CTNNA2: variants seen among roughly 807,000 people sequenced by gnomAD.
The protein encoded by CTNNA2 is catenin alpha-2.
CTNNA2 carries 42 observed loss-of-function variants against 101.0 expected under a neutral mutation model. The ratio of observed to expected loss-of-function variants is 0.42; its 90% CI spans 0.32 to 0.54. CTNNA2 has a LOEUF of 0.54. Among genes scored for constraint, CTNNA2 ranks in the 20% least tolerant of loss-of-function variants. The pLI, the probability that CTNNA2 is intolerant of heterozygous loss-of-function variation, is 0.14. For missense variants in CTNNA2, 871 were observed against 1,223.1 expected (o/e 0.71, Z 4.29); for synonymous variants, 450 against 456.4 (o/e 0.99, Z 0.18).
intron 3 of CTNNA2, among the ~76,000 whole-genome samples, chr2:79,315,044 T>G (rs905553878): frequency 6.6e-6 from 1 of 152,196 alleles, no homozygotes; most frequent in Non-Finnish European, 1.5e-5. Flanking sequence ...ATCACTTCCC[T>G]AAGTTACTAT....
chr2:79,416,423 G>T (rs889572981), intron 4 of CTNNA2, among the ~76,000 whole-genome samples: 3 of 151,734 alleles, frequency 2.0e-5, no homozygotes, highest in Non-Finnish European at 2.9e-5. Context: ...TAAGGCTATT[G>T]CTTACAATGA....
chr2:79,221,293 C>A (rs1030921617), intron 2 of CTNNA2, among the ~76,000 whole-genome samples: 2 of 152,140 alleles, frequency 1.3e-5, no homozygotes, highest in African/African-American at 4.8e-5. Flanking sequence ...AACTACAGAC[C>A]TGTACCTCCA....
intron 7 of CTNNA2, chr2:80,305,103 T>G: frequency 1.0e-6 from 1 of 985,244 alleles, no homozygotes; most frequent in Non-Finnish European, 1.2e-6. Flanking sequence ...AAATCAACGT[T>G]TGGACCTTTG....
At chr2:80,179,159 G>A (rs1558878396) in intron 7 of CTNNA2, among the ~76,000 whole-genome samples, 1 of 152,342 alleles carries the variant, frequency 6.6e-6, no homozygotes, top group East Asian at 1.9e-4. Flanking sequence ...TGCCGAATCA[G>A]TGGCTGCATA....
chr2:79,237,806 T>A (rs1324104982), intron 2 of CTNNA2, among the ~76,000 whole-genome samples: 1 of 152,222 alleles, frequency 6.6e-6, no homozygotes, highest in African/African-American at 2.4e-5. Flanking sequence ...CTTTCCTCTC[T>A]CAGCCATTGT....
At chr2:79,777,660 A>G (rs1348800826) in intron 3 of CTNNA2, among the ~76,000 whole-genome samples, 2 of 152,122 alleles carry the variant, frequency 1.3e-5, no homozygotes, top group Admixed American at 1.3e-4. Context: ...ATTAAAACCC[A>G]TCTTACCAAA....
At chr2:80,631,045 T>C (rs1422633574) in intron 18 of CTNNA2, among the ~76,000 whole-genome samples, 1 of 152,228 alleles carries the variant, frequency 6.6e-6, no homozygotes, top group African/African-American at 2.4e-5. Context: ...TGGCATTTTT[T>C]AATGTATCAG....
At chr2:79,233,525 C>T (rs1284811769) in intron 2 of CTNNA2, among the ~76,000 whole-genome samples, 1 of 152,138 alleles carries the variant, frequency 6.6e-6, no homozygotes, top group African/African-American at 2.4e-5. Context: ...AATATATATT[C>T]CATACTTGTT....
chr2:80,219,654 A>G (rs1483926384), intron 7 of CTNNA2, among the ~76,000 whole-genome samples: 2 of 152,154 alleles, frequency 1.3e-5, no homozygotes, highest in African/African-American at 4.8e-5. Flanking sequence ...ACCTTTGCCC[A>G]TTCTATTTCC....
chr2:79,610,154 A>T (rs1678170739), intron 1 of CTNNA2, among the ~76,000 whole-genome samples: 1 of 152,156 alleles, frequency 6.6e-6, no homozygotes, highest in African/African-American at 2.4e-5. Context: ...ATGGCAAATA[A>T]GCACGTGAAA....
chr2:80,379,323 G>T (rs1676285809), intron 7 of CTNNA2, among the ~76,000 whole-genome samples: 1 of 152,162 alleles, frequency 6.6e-6, no homozygotes, highest in South Asian at 2.1e-4. Flanking sequence ...AGGTGGATAT[G>T]ACAATAACAG....
At chr2:79,646,554 G>A (rs1270712373) in intron 1 of CTNNA2, among the ~76,000 whole-genome samples, 2 of 136,826 alleles carry the variant, frequency 1.5e-5, no homozygotes, top group Non-Finnish European at 3.1e-5. Flanking sequence ...TTTGAGAAAG[G>A]ATCTCATTCT....
chr2:79,605,502 C>A (rs1677827221), intron 1 of CTNNA2, among the ~76,000 whole-genome samples: 1 of 138,842 alleles, frequency 7.2e-6, no homozygotes, highest in Non-Finnish European at 1.7e-5. Context: ...ATATTATAAT[C>A]TTATAGTTCA....
chr2:79,219,020 G>A (rs1529789), intron 2 of CTNNA2, among the ~76,000 whole-genome samples: 42,312 of 151,994 alleles, frequency 0.28, 6,368 homozygotes, highest in East Asian at 0.41. Context: ...GTGTGTGTAT[G>A]TATGTATAGT....
At chr2:79,654,959 T>C (rs1407529698) in intron 2 of CTNNA2, among the ~76,000 whole-genome samples, 1 of 152,218 alleles carries the variant, frequency 6.6e-6, no homozygotes, top group Non-Finnish European at 1.5e-5. Flanking sequence ...AATTTGACAG[T>C]AATTTTTTGT....
intron 8 of CTNNA2, 145 bp from the exon 9 acceptor site, chr2:80,419,304 A>G: frequency 1.6e-6 from 1 of 609,760 alleles, no homozygotes. Context: ...TTCCTTTAAT[A>G]ATGTAAGCAC....
chr2:80,507,558 A>T (rs1273160931), intron 9 of CTNNA2, among the ~76,000 whole-genome samples: 2 of 152,032 alleles, frequency 1.3e-5, no homozygotes, highest in Non-Finnish European at 2.9e-5. Flanking sequence ...AAAAGTGCTA[A>T]TTTTTTCTTT....
intron 7 of CTNNA2, among the ~76,000 whole-genome samples, chr2:80,052,662 G>T (rs1001633968): frequency 1.3e-5 from 2 of 152,164 alleles, no homozygotes; most frequent in African/African-American, 4.8e-5. Flanking sequence ...TTAAAACCAG[G>T]TACATTTAGT....
intron 3 of CTNNA2, among the ~76,000 whole-genome samples, chr2:79,782,268 C>T (rs1433904594): frequency 6.6e-6 from 1 of 152,002 alleles, no homozygotes; most frequent in East Asian, 1.9e-4. Flanking sequence ...CTGAGTTTCA[C>T]TCTTTTTGCC....
Sources: gnomAD v4.1 joint callset for allele counts (sites outside exome capture counted in the v4.1 genomes callset) on GRCh38, gnomAD v4.1.1 for gene constraint, MANE v1.5 for transcripts, NCBI Gene and HGNC (gene_info 2026-07-23, HGNC 2026-07-21) for gene names.